STIM1: variants seen among roughly 807,000 people sequenced by gnomAD.
STIM1 encodes the protein stromal interaction molecule 1.
A neutral mutation model predicts 74.7 loss-of-function variants in STIM1; 25 were observed. That is an observed-to-expected ratio of 0.33 (90% CI 0.24 to 0.47). STIM1 has a LOEUF of 0.47. Among genes scored for constraint, STIM1 ranks in the 20% least tolerant of loss-of-function variants. The pLI is 1.00. For missense variants in STIM1, 728 were observed against 920.8 expected, an observed-to-expected ratio of 0.79 and a Z score of 2.71; for synonymous variants, 328 against 348.8, an observed-to-expected ratio of 0.94 and a Z score of 0.66.
intron 1 of STIM1, among the ~76,000 whole-genome samples, chr11:3,887,662 T>G (rs1183522981): frequency 6.6e-6 from 1 of 152,016 alleles, no homozygotes; most frequent in Non-Finnish European, 1.5e-5. Context: ...CGTTTTCAGA[T>G]TTGATGAAAG....
intron 1 of STIM1, among the ~76,000 whole-genome samples, chr11:3,920,378 A>G (rs1199887195): frequency 2.6e-5 from 4 of 152,082 alleles, no homozygotes; most frequent in Non-Finnish European, 1.5e-5. Context: ...CCTATTCTCT[A>G]TCCTCTGGCA....
At chr11:4,086,286 G>A in intron 11 of STIM1, 191 bp from the exon 12 acceptor site, 1 of 635,380 alleles carries the variant, frequency 1.6e-6, no homozygotes, top group South Asian at 1.9e-5. Flanking sequence ...ACTGACCTGG[G>A]CACTTCATCT....
intron 1 of STIM1, among the ~76,000 whole-genome samples, chr11:3,863,499 C>A (rs2090723272): frequency 6.6e-6 from 1 of 152,108 alleles, no homozygotes; most frequent in African/African-American, 2.4e-5. Context: ...CTCAAGGGAT[C>A]TTCCCAGCTT....
chr11:3,962,781 G>T (rs549579215), intron 1 of STIM1, among the ~76,000 whole-genome samples: 3 of 152,152 alleles, frequency 2.0e-5, no homozygotes, highest in Non-Finnish European at 4.4e-5. Flanking sequence ...TGCTCTGGGA[G>T]TATGTATACA....
intron 1 of STIM1, among the ~76,000 whole-genome samples, chr11:3,893,935 A>G (rs1320109693): frequency 2.0e-5 from 3 of 152,124 alleles, no homozygotes; most frequent in East Asian, 1.9e-4. Flanking sequence ...ACGTACCACC[A>G]TGCCTAGCTA....
chr11:3,862,024 G>C lies in STIM1; in HGVS notation c.139+5615G>C, dbSNP rs144893533. On this transcript the variant is annotated intron_variant, in intron 1 of 12. Coordinates refer to ENST00000526596, the MANE Select transcript of STIM1 (RefSeq NM_001382567.1). ...ATTCTTTGGGAAACTCAGCAGGTTT[G>C]GTTGTTGTCAGGCTTTTAGGGAGAA... is the stretch of plus-strand genomic sequence containing the variant. 6.1e-3 allele frequency among the ~76,000 whole-genome samples: 927 copies of C among 152,204 alleles called. 10 individuals carry two copies. The highest frequency in any genetic ancestry group is 0.021 in the African/African-American group (884 of 41,498).
rs141251901 is a variant in STIM1 at position 3,914,230 on chromosome 11, G to A, written c.140-53322G>A. Among the ~76,000 whole-genome samples, 4 of 151,928 alleles carry A rather than the reference G, an allele frequency of 2.6e-5. No homozygotes were observed. In the East Asian group the frequency reaches 7.7e-4, roughly 29 times the overall value. Reference sequence around the variant, plus strand: ...AATTAAGTGGAATCATATAATGTTTGTCTTTTTACGTCTTGCTTATTTCAC... The same window carrying A: ...AATTAAGTGGAATCATATAATGTTTATCTTTTTACGTCTTGCTTATTTCAC... On this transcript the variant is annotated intron_variant, in intron 1 of 12. Transcript: ENST00000526596.
intron 1 of STIM1, among the ~76,000 whole-genome samples, chr11:3,913,528 A>T (rs1438181354): frequency 6.6e-6 from 1 of 152,122 alleles, no homozygotes; most frequent in Non-Finnish European, 1.5e-5. Flanking sequence ...TCTCTTAGTC[A>T]CACTATGCAC....
intron 2 of STIM1, among the ~76,000 whole-genome samples, chr11:3,976,376 A>G (rs763479424): frequency 3.3e-5 from 5 of 152,188 alleles, no homozygotes; most frequent in Non-Finnish European, 7.4e-5. Flanking sequence ...ATCAGGGGTT[A>G]TTAGTGTAGG....
chr11:3,896,029 C>T (rs910021433), intron 1 of STIM1, among the ~76,000 whole-genome samples: 18 of 151,454 alleles, frequency 1.2e-4, no homozygotes, highest in African/African-American at 3.6e-4. Context: ...CTCAGCCTCC[C>T]GAGTACCTGG....
chr11:3,941,585 ATGTGTG>A (rs111336047), intron 1 of STIM1, among the ~76,000 whole-genome samples: 16 of 139,652 alleles, frequency 1.1e-4, no homozygotes, highest in African/African-American at 4.0e-4. Context: ...AAGCATATAT[ATGTGTG>A]TGTGTGTGTG....
chr11:4,076,283 C>G (rs527780789), intron 7 of STIM1, among the ~76,000 whole-genome samples: 1 of 151,480 alleles, frequency 6.6e-6, no homozygotes. Context: ...GTCAGAAGTT[C>G]GAGACCAGCC....
chr11:3,927,202 T>A (rs530897472), intron 1 of STIM1, among the ~76,000 whole-genome samples: 2 of 152,340 alleles, frequency 1.3e-5, no homozygotes, highest in South Asian at 4.1e-4. Flanking sequence ...TTAACCTTTA[T>A]TTATCTTTGA....
intron 2 of STIM1, among the ~76,000 whole-genome samples, chr11:4,017,535 C>A (rs369966846): frequency 1.6e-4 from 25 of 152,268 alleles, no homozygotes; most frequent in African/African-American, 3.9e-4. Context: ...TTCCTATAAG[C>A]AGCTGGTATC....
At chr11:4,054,486 G>A (rs1420245616) in intron 3 of STIM1, among the ~76,000 whole-genome samples, 2 of 152,204 alleles carry the variant, frequency 1.3e-5, no homozygotes, top group Non-Finnish European at 2.9e-5. Context: ...GGGTGAGGGA[G>A]TATTACTGCC....
At chr11:3,879,568 TATC>T (rs942739282) in intron 1 of STIM1, among the ~76,000 whole-genome samples, 1 of 152,206 alleles carries the variant, frequency 6.6e-6, no homozygotes, top group Non-Finnish European at 1.5e-5. Flanking sequence ...TCTTTTTGCT[TATC>T]ATGCCCACAG....
intron 1 of STIM1, among the ~76,000 whole-genome samples, chr11:3,895,681 T>TTCTTC (rs2092082022): frequency 3.1e-5 from 1 of 32,702 alleles, no homozygotes; most frequent in Non-Finnish European, 5.4e-5. Flanking sequence ...TTTCCTTCCT[T>TTCTTC]CCTTCTTTCT....
At chr11:4,000,231 A>C (rs1285729868) in intron 2 of STIM1, among the ~76,000 whole-genome samples, 1 of 103,026 alleles carries the variant, frequency 9.7e-6, no homozygotes, top group Non-Finnish European at 2.2e-5. Context: ...TGAAGAGAGC[A>C]GTGGTTCTCC....
intron 1 of STIM1, among the ~76,000 whole-genome samples, chr11:3,865,889 A>G (rs2090836505): frequency 6.6e-6 from 1 of 152,184 alleles, no homozygotes; most frequent in Admixed American, 6.6e-5. Context: ...TAGAGCAGGC[A>G]AGACTTGAAG....
Sources: gnomAD v4.1 joint callset for allele counts (sites outside exome capture counted in the v4.1 genomes callset) on GRCh38, gnomAD v4.1.1 for gene constraint, MANE v1.5 for transcripts, NCBI Gene and HGNC (gene_info 2026-07-23, HGNC 2026-07-21) for gene names.